The following ELFN2 variants were observed in gnomAD, a reference collection of about 807,000 sequenced individuals.
ELFN2 encodes the protein extracellular leucine rich repeat and fibronectin type III domain containing 2, also known as protein phosphatase 1 regulatory subunit 29.
ELFN2 carries 17 observed loss-of-function variants against 45.5 expected under a neutral mutation model. The observed-to-expected ratio is 0.37, with a 90% confidence interval of 0.26 to 0.56. ELFN2 has a LOEUF of 0.56. Among genes scored for constraint, ELFN2 ranks in the 20% least tolerant of loss-of-function variants. The pLI is 0.77. For missense variants in ELFN2, 922 were observed against 1,183.2 expected (o/e 0.78, Z 3.24); for synonymous variants, 550 against 551.5 (o/e 1.00, Z 0.04).
At chr22:37,389,891 G>A (rs1275102430) in intron 2 of ELFN2, among the ~76,000 whole-genome samples, 2 of 152,186 alleles carry the variant, frequency 1.3e-5, no homozygotes, top group African/African-American at 4.8e-5. Context: ...AGGGCGGCCA[G>A]TCGTCTCTGC....
intron 2 of ELFN2, among the ~76,000 whole-genome samples, chr22:37,377,668 G>A (rs1442494816): frequency 2.0e-5 from 3 of 152,220 alleles, no homozygotes; most frequent in Non-Finnish European, 4.4e-5. Flanking sequence ...AAAGGCTGAT[G>A]CTACGTCAGA....
At chr22:37,394,530 G>T (rs1292840613) in intron 2 of ELFN2, among the ~76,000 whole-genome samples, 1 of 152,202 alleles carries the variant, frequency 6.6e-6, no homozygotes, top group Admixed American at 6.5e-5. Flanking sequence ...ACTCCTTGGT[G>T]AGTGTCCAGC....
rs141600441 is a variant in ELFN2 at position 37,375,052 on chromosome 22, G to A, written c.483C>T (p.Asn161=). 1.7e-5 allele frequency: 27 copies of A among 1,613,466 alleles called. No individual in the cohort carries two copies. In the African/African-American group the frequency reaches 3.3e-4, roughly 20 times the overall value. The change falls in exon 3 of 3, where the codon AAC becomes AAT. Residue 161 remains asparagine (N), a synonymous_variant. Coordinates refer to ENST00000402918, the MANE Select transcript of ELFN2 (RefSeq NM_052906.5). ...PSLISIDLSS[N]RLSRLDGATF... ...TGGCACCGTCCAGGCGGCTGAGGCG[G>A]TTGGAGGACAGGTCGATGCTGATGA...
At chr22:37,423,917 AATT>A (rs1280600867) in intron 1 of ELFN2, among the ~76,000 whole-genome samples, 1 of 152,154 alleles carries the variant, frequency 6.6e-6, no homozygotes, top group Non-Finnish European at 1.5e-5. Flanking sequence ...CCCAGGTGGT[AATT>A]GAGCCAAGAG....
chr22:37,413,191 G>T lies in ELFN2; in HGVS notation c.-463+4578C>A, dbSNP rs190973445. ...TTCATTCCCTCTTCTGCCCTAGGGGGATAAGAGGTGGGGCTGGCAGAAATG... is the reference window on the plus strand; with the variant it reads ...TTCATTCCCTCTTCTGCCCTAGGGGTATAAGAGGTGGGGCTGGCAGAAATG... On this transcript the variant is annotated intron_variant, in intron 2 of 2. Transcript: ENST00000402918. Among the ~76,000 whole-genome samples the T allele has an allele frequency of 7.2e-5, 11 of 152,242 alleles. No individual in the cohort carries two copies. The East Asian group carries it at 1.7e-3, about 24-fold the overall frequency.
intron 1 of ELFN2, among the ~76,000 whole-genome samples, chr22:37,421,084 C>A (rs143567835): frequency 1.1e-3 from 168 of 152,280 alleles, no homozygotes; most frequent in Non-Finnish European, 1.9e-3. Flanking sequence ...TAACGAACAC[C>A]CAGAGATTCT....
intron 2 of ELFN2, among the ~76,000 whole-genome samples, chr22:37,394,920 T>A (rs944616256): frequency 3.9e-5 from 6 of 151,974 alleles, no homozygotes; most frequent in African/African-American, 1.2e-4. Flanking sequence ...CTGGCCAACA[T>A]AGCGAAACCC....
Position 37,411,004 on chromosome 22 carries a change from G to A in ELFN2, c.-463+6765C>T, listed in dbSNP as rs181618798. On this transcript the variant is annotated intron_variant, in intron 2 of 2. Transcript: ENST00000402918. ...CCCCTGAAGCCTGCCTCCCTGCTCC[G>A]ACCACCAGGAAAGCCAGCAAGAAGC... is the stretch of plus-strand genomic sequence containing the variant. Among the ~76,000 whole-genome samples, 4 of 152,254 alleles carry A rather than the reference G, an allele frequency of 2.6e-5. No homozygotes were observed. The East Asian group carries it at 7.7e-4, about 29-fold the overall frequency.
chr22:37,397,988 T>C (rs537172182), intron 2 of ELFN2, among the ~76,000 whole-genome samples: 1 of 152,276 alleles, frequency 6.6e-6, no homozygotes, highest in African/African-American at 2.4e-5. Flanking sequence ...GAGGCTGCCC[T>C]GCAGGGTTGC....
chr22:37,395,610 G>T (rs575278814), intron 2 of ELFN2, among the ~76,000 whole-genome samples: 7 of 152,282 alleles, frequency 4.6e-5, no homozygotes, highest in African/African-American at 1.7e-4. Flanking sequence ...TGGCAGCCAG[G>T]AGCTGAGCAA....
Position 37,373,228 on chromosome 22 carries a change from G to C in ELFN2, c.2307C>G (p.Ile769Met). The C allele has an allele frequency of 6.2e-7, 1 of 1,613,864 alleles. No individual in the cohort carries two copies. The highest frequency in any genetic ancestry group is 1.1e-5 in the South Asian group (1 of 91,078). The stretch of plus-strand genomic sequence containing the variant: ...TCTTGTAGGGCCGGAAGCGCTCCCA[G>C]ATCTTGTGCGTGCTCTCGGATGAGT... ...PEYSSESTHK[I>M]WERFRPYKKH... Residue 769 changes from isoleucine (I) to methionine (M), a missense_variant, in exon 3 of 3, where the codon ATC (isoleucine) becomes ATG (methionine). Coordinates refer to ENST00000402918, the MANE Select transcript of ELFN2 (RefSeq NM_052906.5).
At chr22:37,376,416 C>CAT (rs1365296065) in intron 2 of ELFN2, among the ~76,000 whole-genome samples, 1 of 152,112 alleles carries the variant, frequency 6.6e-6, no homozygotes, top group Non-Finnish European at 1.5e-5. Context: ...CACACACACA[C>CAT]ACAAGCACAC....
At chr22:37,353,788 C>G (rs1471683408) in intron 1 of ELFN2, 1 of 151,036 alleles carries the variant, frequency 6.6e-6, no homozygotes, top group Non-Finnish European at 1.5e-5. Context: ...GGCAGCAGCC[C>G]AGGCGGAACT....
chr22:37,403,409 G>GCGAGGGGCCGAGGGGC (rs113413037), intron 2 of ELFN2, among the ~76,000 whole-genome samples: 7 of 151,626 alleles, frequency 4.6e-5, no homozygotes, highest in East Asian at 1.9e-4. Context: ...TGCAAGGCGA[G>GCGAGGGGCCGAGGGGC]CGAGGGGCCG....
rs1931375120 is a variant in ELFN2 at position 37,371,800 on chromosome 22, T to C, written c.*1272A>G. The C allele has an allele frequency of 6.7e-6, 1 of 148,848 alleles. No individual in the cohort carries two copies. The highest frequency in any genetic ancestry group is 1.5e-5 in the Non-Finnish European group (1 of 67,872). 9.2% of individuals were successfully genotyped at this position (148,848 alleles called of 1,614,324 possible). On this transcript the variant is annotated 3_prime_UTR_variant, in exon 3 of 3. Transcript: ENST00000402918. This position sits in a 1 kb window ranked among gnomAD's most constrained non-coding sequence, Gnocchi z 6.4. ...GCCTCACTGTTTGTGCTTTGTTTGA[T>C]GTTGGGTGGGGGGGTCAGAAAGAGG...
chr22:37,411,157 G>A (rs1423406322), intron 2 of ELFN2, among the ~76,000 whole-genome samples: 2 of 152,214 alleles, frequency 1.3e-5, no homozygotes, highest in Non-Finnish European at 2.9e-5. Context: ...CACAGGCGGG[G>A]CAACTTGTCA....
At chr22:37,405,844 G>C (rs1036218574) in intron 2 of ELFN2, among the ~76,000 whole-genome samples, 1 of 149,238 alleles carries the variant, frequency 6.7e-6, no homozygotes, top group Non-Finnish European at 1.5e-5. Context: ...GGGTGGAGGG[G>C]GGGTGGTCCT....
intron 1 of ELFN2, among the ~76,000 whole-genome samples, chr22:37,343,387 T>C (rs553823378): frequency 2.6e-5 from 4 of 152,204 alleles, no homozygotes; most frequent in African/African-American, 9.6e-5. Context: ...AGATGGGCAC[T>C]ACACCCTCCC....
intron 2 of ELFN2, among the ~76,000 whole-genome samples, chr22:37,404,906 T>C (rs554886674): frequency 2.6e-5 from 4 of 152,206 alleles, no homozygotes; most frequent in African/African-American, 4.8e-5. Flanking sequence ...ACCTACCACA[T>C]AGGTTGTTGT....
Sources: allele counts gnomAD v4.1 joint callset (sites outside exome capture counted in the v4.1 genomes callset), GRCh38; gene constraint gnomAD v4.1.1; non-coding constraint Gnocchi (gnomAD v3.1); transcripts MANE v1.5; gene names NCBI Gene and HGNC (gene_info 2026-07-23, HGNC 2026-07-21).